GABPB1: variants seen among roughly 807,000 people sequenced by gnomAD.
The protein encoded by GABPB1 is GA-binding protein subunit beta-1.
In GABPB1, 15 loss-of-function variants were observed where a neutral mutation model predicts 45.9. The ratio of observed to expected loss-of-function variants is 0.33; its 90% CI spans 0.22 to 0.50. The LOEUF (loss-of-function observed/expected upper bound fraction) is 0.50. GABPB1 is among the 20% of genes least tolerant of loss of function. The pLI is 0.98. For missense variants in GABPB1, 252 were observed against 457.5 expected (o/e 0.55, Z 4.10); for synonymous variants, 143 against 154.4 (o/e 0.93, Z 0.55).
chr15:50,345,923 G>C (rs973399947), intron 1 of GABPB1, among the ~76,000 whole-genome samples: 1 of 152,066 alleles, frequency 6.6e-6, no homozygotes, highest in Admixed American at 6.6e-5. Context: ...GTGTTAGCCA[G>C]GATCGTCTCG....
intron 2 of GABPB1, 152 bp from the exon 3 acceptor site, chr15:50,304,285 C>T (rs1286969231): frequency 2.1e-6 from 1 of 474,704 alleles, no homozygotes; most frequent in African/African-American, 2.0e-5. Context: ...ACATCCTCTT[C>T]ATAGACATCT....
chr15:50,354,566 C>T (rs941727865), intron 1 of GABPB1: 3 of 449,718 alleles, frequency 6.7e-6, no homozygotes, highest in Middle Eastern at 3.3e-4. Context: ...CGCCTGCCTT[C>T]CTCTTTCTCC....
chr15:50,293,458 T>C (rs1259510962), intron 6 of GABPB1, among the ~76,000 whole-genome samples: 1 of 152,182 alleles, frequency 6.6e-6, no homozygotes, highest in East Asian at 1.9e-4. Flanking sequence ...TACCTTAAAC[T>C]ATAATTAGGT....
At chr15:50,297,879 A>T (rs2141011528) in intron 6 of GABPB1, among the ~76,000 whole-genome samples, 1 of 152,296 alleles carries the variant, frequency 6.6e-6, no homozygotes, top group Non-Finnish European at 1.5e-5. Flanking sequence ...ATGAAAAATT[A>T]TTGTGCTCAT....
intron 1 of GABPB1, among the ~76,000 whole-genome samples, chr15:50,346,003 G>A (rs1173955894): frequency 1.3e-5 from 2 of 152,082 alleles, no homozygotes; most frequent in African/African-American, 2.4e-5. Context: ...GAGCCACCAC[G>A]CCCGGTGAGA....
At chr15:50,345,676 A>AT (rs1428402053) in intron 1 of GABPB1, among the ~76,000 whole-genome samples, 1 of 151,762 alleles carries the variant, frequency 6.6e-6, no homozygotes, top group East Asian at 1.9e-4. Context: ...ATCAAAATTG[A>AT]TTTTTTTTCC....
At chr15:50,345,214 T>C (rs1280202539) in intron 1 of GABPB1, among the ~76,000 whole-genome samples, 1 of 152,020 alleles carries the variant, frequency 6.6e-6, no homozygotes. Flanking sequence ...AAAGCCTCAG[T>C]GGAAATAGTA....
chr15:50,300,753 C>G, intron 6 of GABPB1, 36 bp downstream of exon 6: 1 of 1,340,896 alleles, frequency 7.5e-7, no homozygotes, highest in South Asian at 1.2e-5. Flanking sequence ...CCTGAATCTG[C>G]AATTTTAATG....
At chr15:50,284,444 A>C (rs1311814915) in intron 8 of GABPB1, among the ~76,000 whole-genome samples, 1 of 152,200 alleles carries the variant, frequency 6.6e-6, no homozygotes, top group Non-Finnish European at 1.5e-5. Context: ...CTTCATACCA[A>C]GCTAAAACTG....
At chr15:50,282,770 T>C (rs1209845929) in intron 8 of GABPB1, among the ~76,000 whole-genome samples, 1 of 152,086 alleles carries the variant, frequency 6.6e-6, no homozygotes, top group Non-Finnish European at 1.5e-5. Context: ...AAATAAAATT[T>C]ACAGCCGTGC....
At chr15:50,306,135 G>A (rs1256772261) in intron 2 of GABPB1, among the ~76,000 whole-genome samples, 1 of 151,974 alleles carries the variant, frequency 6.6e-6, no homozygotes, top group African/African-American at 2.4e-5. Flanking sequence ...CACCATGCCT[G>A]ACTAATTTTT....
At position 50,286,114 on chromosome 15, in the gene GABPB1, T is replaced by C. The variant is rs771553889; in HGVS notation, c.953A>G (p.Gln318Arg). Residue 318 changes from glutamine to arginine, a missense_variant, in exon 8 of 9, where the codon CAA becomes CGA. Transcript: ENST00000380877. ...CCGGTTTTCAATTATTTCGATACAT[T>C]GTCTCTTAGCTGGTGGTTCTTCACT... ...VISEEPPAKR[Q>R]CIEIIENRVE... 2 of 1,612,596 alleles carry C rather than the reference T, an allele frequency of 1.2e-6. No homozygotes were observed. The highest frequency in any genetic ancestry group is 1.7e-6 in the Non-Finnish European group (2 of 1,179,204).
intron 6 of GABPB1, among the ~76,000 whole-genome samples, chr15:50,296,183 T>C (rs1402462401): frequency 6.6e-6 from 1 of 152,218 alleles, no homozygotes; most frequent in Non-Finnish European, 1.5e-5. Context: ...TGCTGCTACA[T>C]TCTGGCTGTT....
At chr15:50,296,837 T>G (rs1200410680) in intron 6 of GABPB1, among the ~76,000 whole-genome samples, 1 of 151,972 alleles carries the variant, frequency 6.6e-6, no homozygotes, top group Non-Finnish European at 1.5e-5. Flanking sequence ...TAGCTTTGCC[T>G]GAGTATGTGC....
intron 1 of GABPB1, among the ~76,000 whole-genome samples, chr15:50,344,201 A>T (rs1054978570): frequency 1.3e-5 from 2 of 152,264 alleles, no homozygotes; most frequent in Admixed American, 1.3e-4. Context: ...TGATAATGTT[A>T]AACAGTAAGG....
intron 2 of GABPB1, among the ~76,000 whole-genome samples, chr15:50,308,066 C>T (rs1471621584): frequency 6.6e-6 from 1 of 151,838 alleles, no homozygotes; most frequent in Non-Finnish European, 1.5e-5. Context: ...TAATCTGTTA[C>T]TAAAATTTTA....
At chr15:50,289,173 G>T (rs968503821) in intron 7 of GABPB1, among the ~76,000 whole-genome samples, 1 of 152,078 alleles carries the variant, frequency 6.6e-6, no homozygotes, top group Admixed American at 6.5e-5. Context: ...TATTATTTGT[G>T]TTGACATTTA....
Position 50,302,924 on chromosome 15 carries a change from G to A in GABPB1, c.471+5C>T, listed in dbSNP as rs1271619185. ...TATTTTCTTAAATTAAAAGCCAAAAGTTACCTGTAATATCTCTGCTAAATC... is the reference window on the plus strand; with the variant it reads ...TATTTTCTTAAATTAAAAGCCAAAAATTACCTGTAATATCTCTGCTAAATC... On this transcript the variant is annotated splice_donor_5th_base_variant and intron_variant, in intron 4 of 8. Transcript: ENST00000380877. 6.3e-7 allele frequency: 1 copy of A among 1,593,400 alleles called. No individual in the cohort carries two copies. Among genetic ancestry groups the A allele is most frequent in the Non-Finnish European group, 8.6e-7 (1 of 1,168,280 alleles).
chr15:50,289,262 G>C (rs1191920777), intron 7 of GABPB1, among the ~76,000 whole-genome samples: 1 of 152,012 alleles, frequency 6.6e-6, no homozygotes, highest in African/African-American at 2.4e-5. Flanking sequence ...AAGCTAATTT[G>C]AATTTTAATT....
Sources: allele counts gnomAD v4.1 joint callset (sites outside exome capture counted in the v4.1 genomes callset), GRCh38; gene constraint gnomAD v4.1.1; transcripts MANE v1.5; gene names NCBI Gene and HGNC (gene_info 2026-07-23, HGNC 2026-07-21).